Variants in EDA observed in about 807,000 individuals in gnomAD.
EDA encodes ectodysplasin A.
In EDA, 2 loss-of-function variants were observed where a neutral mutation model predicts 23.6. That is an observed-to-expected ratio of 0.08 (90% CI 0.03 to 0.27). The LOEUF (loss-of-function observed/expected upper bound fraction) is 0.27. Ranked by LOEUF, EDA falls within the 10% of genes least tolerant of loss-of-function variation. The probability of loss-of-function intolerance (pLI) is 1.00; values close to 1 mark genes in which losing one functional copy is unlikely to be tolerated. For missense variants in EDA, 229 were observed against 324.2 expected (o/e 0.71, Z 2.26); for synonymous variants, 131 against 132.0 (o/e 0.99, Z 0.05).
chrX:69,948,175 A>T (rs766348937), intron 1 of EDA, among the ~76,000 whole-genome samples: 3 of 112,432 alleles, frequency 2.7e-5, no homozygotes, highest in Non-Finnish European at 5.6e-5. Flanking sequence ...CAGAGATTGA[A>T]CTGGTCTGTA....
intron 2 of EDA, among the ~76,000 whole-genome samples, chrX:69,996,932 C>A (rs1390853159): frequency 8.9e-6 from 1 of 112,359 alleles, no homozygotes; most frequent in Non-Finnish European, 1.9e-5. Flanking sequence ...CACCTTCCAC[C>A]ATGATTGTGA....
intron 1 of EDA, among the ~76,000 whole-genome samples, chrX:69,783,367 A>G (rs547404160): frequency 1.8e-5 from 2 of 109,892 alleles, no homozygotes; most frequent in African/African-American, 6.6e-5. Flanking sequence ...TACATGTGCC[A>G]TGCTGGTGCG....
chrX:69,702,486 A>G (rs1444338438), intron 1 of EDA, among the ~76,000 whole-genome samples: 1 of 110,163 alleles, frequency 9.1e-6, no homozygotes, highest in Non-Finnish European at 1.9e-5. Context: ...GGTGGCTGGG[A>G]AGATGGCAGC....
intron 1 of EDA, among the ~76,000 whole-genome samples, chrX:69,816,608 A>T (rs1374281019): frequency 2.7e-5 from 3 of 111,767 alleles, no homozygotes; most frequent in Non-Finnish European, 5.6e-5. Flanking sequence ...CAGAGCTTAA[A>T]GACTATCTTT....
chrX:69,832,536 A>G (rs1395633421), intron 1 of EDA, among the ~76,000 whole-genome samples: 1 of 111,726 alleles, frequency 9.0e-6, no homozygotes, highest in Non-Finnish European at 1.9e-5. Flanking sequence ...TTTTGGTTCC[A>G]TATGAAATTT....
intron 1 of EDA, among the ~76,000 whole-genome samples, chrX:69,784,898 A>G (rs1421206002): frequency 9.0e-6 from 1 of 110,823 alleles, no homozygotes; most frequent in African/African-American, 3.3e-5. Flanking sequence ...GGCCATTTTC[A>G]CGATATTGAT....
chrX:70,007,259 C>T (rs2019814798), intron 2 of EDA, among the ~76,000 whole-genome samples: 1 of 111,798 alleles, frequency 8.9e-6, no homozygotes, highest in Admixed American at 9.5e-5. Flanking sequence ...TTTGTTGATA[C>T]CCACAAGGCA....
At chrX:70,033,829 C>T (rs902001315) in intron 7 of EDA, among the ~76,000 whole-genome samples, 1 of 111,914 alleles carries the variant, frequency 8.9e-6, no homozygotes, top group Non-Finnish European at 1.9e-5. Context: ...CCCTGTTTAC[C>T]CTCTGAGCTG....
At chrX:69,975,204 G>A (rs2019300218) in intron 2 of EDA, among the ~76,000 whole-genome samples, 1 of 111,918 alleles carries the variant, frequency 8.9e-6, no homozygotes, top group Admixed American at 9.5e-5. Context: ...GCAAAGACAT[G>A]GAATCAACCT....
intron 1 of EDA, among the ~76,000 whole-genome samples, chrX:69,726,350 A>T (rs183799438): frequency 1.8e-5 from 2 of 111,876 alleles, no homozygotes; most frequent in East Asian, 5.6e-4. Flanking sequence ...TTCAGTTTGG[A>T]TCCCCAAAGG....
At chrX:69,816,742 GATGAGAAGA>G (rs1257500603) in intron 1 of EDA, among the ~76,000 whole-genome samples, 1 of 110,682 alleles carries the variant, frequency 9.0e-6, no homozygotes, top group Admixed American at 9.7e-5. Context: ...ACCTGAAAGA[GATGAGAAGA>G]ATGAGAAGAA....
intron 1 of EDA, among the ~76,000 whole-genome samples, chrX:69,622,818 T>C (rs1178891303): frequency 8.9e-6 from 1 of 111,984 alleles, no homozygotes; most frequent in African/African-American, 3.2e-5. Flanking sequence ...AGAAGCTTTA[T>C]GTTTTTGACA....
chrX:69,938,460 AT>A (rs1254642437), intron 1 of EDA, among the ~76,000 whole-genome samples: 2 of 110,853 alleles, frequency 1.8e-5, no homozygotes, highest in Non-Finnish European at 1.9e-5. Flanking sequence ...GAATTATTAG[AT>A]TTTTTTTCCT....
intron 1 of EDA, chrX:69,749,778 T>C (rs1240557592): frequency 9.0e-6 from 1 of 110,980 alleles, no homozygotes; most frequent in African/African-American, 3.3e-5. Flanking sequence ...AACACTAAAC[T>C]ACATACAAAT....
intron 1 of EDA, among the ~76,000 whole-genome samples, chrX:69,658,212 T>TTGTGTGTGTGTG (rs3138864): frequency 0.01 from 941 of 90,875 alleles, 7 homozygotes; most frequent in Non-Finnish European, 0.014. Context: ...TCCTAGGTAT[T>TTGTGTGTGTGTG]TGTGTGTGTG....
At chrX:69,696,036 T>C (rs993842866) in intron 1 of EDA, among the ~76,000 whole-genome samples, 2 of 109,928 alleles carry the variant, frequency 1.8e-5, no homozygotes, top group Non-Finnish European at 3.8e-5. Flanking sequence ...GGTCAGGATT[T>C]CGAGACCAGC....
intron 1 of EDA, among the ~76,000 whole-genome samples, chrX:69,734,061 T>C (rs1229573491): frequency 1.8e-5 from 2 of 111,290 alleles, no homozygotes; most frequent in African/African-American, 6.5e-5. Context: ...TGAAGTCATA[T>C]GGGGTTGGAG....
intron 1 of EDA, among the ~76,000 whole-genome samples, chrX:69,791,401 A>G (rs1280011087): frequency 2.7e-5 from 3 of 111,316 alleles, no homozygotes; most frequent in Non-Finnish European, 5.7e-5. Flanking sequence ...TTTGAGACAC[A>G]GAGAGGTAAA....
At chrX:69,855,347 G>C (rs1163966114) in intron 1 of EDA, among the ~76,000 whole-genome samples, 4 of 111,474 alleles carry the variant, frequency 3.6e-5, no homozygotes, top group African/African-American at 1.3e-4. Context: ...TGTTCCAGTT[G>C]CTTTTGGAAA....
Sources: allele counts gnomAD v4.1 joint callset (sites outside exome capture counted in the v4.1 genomes callset), GRCh38; gene constraint gnomAD v4.1.1; transcripts MANE v1.5; gene names NCBI Gene and HGNC (gene_info 2026-07-23, HGNC 2026-07-21).